Variants in PAK4 observed in about 807,000 individuals in gnomAD.
PAK4 encodes the protein p21 (RAC1) activated kinase 4, also known as serine/threonine-protein kinase PAK 4.
In PAK4, 49 loss-of-function variants were observed where a neutral mutation model predicts 53.5. The observed-to-expected ratio is 0.92, with a 90% CI of 0.73 to 1.16. The LOEUF (loss-of-function observed/expected upper bound fraction) is 1.16. Among genes scored for constraint, PAK4 ranks in the 50% most tolerant of loss-of-function variants. PAK4 has a pLI of 0.00. For missense variants in PAK4, 824 were observed against 850.7 expected, an observed-to-expected ratio of 0.97 and a Z score of 0.39; for synonymous variants, 376 against 375.6, an observed-to-expected ratio of 1.00 and a Z score of -0.01.
chr19:39,142,652 C>T (rs1244827697), intron 1 of PAK4, among the ~76,000 whole-genome samples: 1 of 152,182 alleles, frequency 6.6e-6, no homozygotes, highest in Non-Finnish European at 1.5e-5. Flanking sequence ...TCCTGCTTTG[C>T]TAGGGCCACA....
chr19:39,167,677 G>T (rs985879469), intron 1 of PAK4, among the ~76,000 whole-genome samples: 4 of 152,120 alleles, frequency 2.6e-5, no homozygotes, highest in African/African-American at 9.7e-5. Context: ...TGGCTGCCGG[G>T]CCCCCACCCC....
intron 1 of PAK4, among the ~76,000 whole-genome samples, chr19:39,151,005 C>T (rs187735053): frequency 5.3e-5 from 8 of 152,242 alleles, no homozygotes; most frequent in East Asian, 3.9e-4. Context: ...TGTCGGTGGA[C>T]GCCATGAACG....
intron 1 of PAK4, among the ~76,000 whole-genome samples, chr19:39,167,207 G>A (rs1480485791): frequency 6.6e-6 from 1 of 152,226 alleles, no homozygotes; most frequent in Non-Finnish European, 1.5e-5. Flanking sequence ...GAACTGCCTA[G>A]TGCCCCGCAG....
intron 1 of PAK4, among the ~76,000 whole-genome samples, chr19:39,150,470 T>C (rs2145186856): frequency 6.6e-6 from 1 of 152,248 alleles, no homozygotes; most frequent in African/African-American, 2.4e-5. Flanking sequence ...TCCCCCTCTC[T>C]CCACTGCCAC....
In PAK4 at chr19:39,134,305, G is replaced by T. The variant is rs544780251; in HGVS notation, c.-23+8386G>T. The stretch of plus-strand genomic sequence containing the variant: ...TGAACAACGCTTCCCCACCACCTCG[G>T]TAAAGACAGAACACAACCTCCCAAA... On this transcript the variant is annotated intron_variant, in intron 1 of 8. Coordinates refer to ENST00000358301, the Ensembl canonical transcript of PAK4. Among the ~76,000 whole-genome samples the T allele has an allele frequency of 1.4e-4, 21 of 152,296 alleles. No homozygotes were observed. In the East Asian group the frequency reaches 3.9e-3, roughly 28 times the overall value.
At position 39,161,909 on chromosome 19, in the gene PAK4, G is replaced by A. The variant is rs1195578015; in HGVS notation, c.-22-7623G>A. ...CCTCCTCACGCAGGTCCCTGCTCACGTGTCCCCTTCTCAGCAAGGCCTGCC... is the reference window on the plus strand; with the variant it reads ...CCTCCTCACGCAGGTCCCTGCTCACATGTCCCCTTCTCAGCAAGGCCTGCC... On this transcript the variant is annotated intron_variant, in intron 1 of 8. Coordinates refer to ENST00000358301, the Ensembl canonical transcript of PAK4. The surrounding 1 kb of genome is among the most constrained non-coding windows in gnomAD (Gnocchi z 4.5). 1.3e-5 allele frequency among the ~76,000 whole-genome samples: 2 copies of A among 151,786 alleles called. No homozygotes were observed. The highest frequency in any genetic ancestry group is 1.3e-4 in the Admixed American group (2 of 15,232).
chr19:39,133,620 C>T lies in PAK4; in HGVS notation c.-23+7701C>T, dbSNP rs938595752. 5.3e-5 allele frequency among the ~76,000 whole-genome samples: 8 copies of T among 152,232 alleles called. No individual in the cohort carries two copies. In the South Asian group the frequency reaches 1.7e-3, roughly 32 times the overall value. On this transcript the variant is annotated intron_variant, in intron 1 of 8. Coordinates refer to ENST00000358301, the Ensembl canonical transcript of PAK4. The stretch of plus-strand genomic sequence containing the variant: ...CCCTCCTGCTTCCCCCACCCACCTT[C>T]TGCTGTCTGCATTCCAGGCAGGCTG...
At chr19:39,135,821 C>A (rs796868415) in intron 1 of PAK4, among the ~76,000 whole-genome samples, 6 of 142,476 alleles carry the variant, frequency 4.2e-5, no homozygotes, top group African/African-American at 1.5e-4. Flanking sequence ...ATTTTGGGAA[C>A]AGGAACCCCC....
chr19:39,150,784 C>A (rs898606354), intron 1 of PAK4, among the ~76,000 whole-genome samples: 1 of 152,140 alleles, frequency 6.6e-6, no homozygotes, highest in Non-Finnish European at 1.5e-5. Context: ...TCCTTGGCAC[C>A]CACGTTGTCT....
intron 1 of PAK4, among the ~76,000 whole-genome samples, chr19:39,141,926 C>G (rs2073917457): frequency 6.6e-6 from 1 of 152,228 alleles, no homozygotes; most frequent in South Asian, 2.1e-4. Context: ...GGCGCCCGGC[C>G]CATTTGTTTG....
chr19:39,169,379 G>A (rs1000312308), intron 1 of PAK4, among the ~76,000 whole-genome samples, 153 bp from the exon 3 acceptor site: 1 of 152,108 alleles, frequency 6.6e-6, no homozygotes, highest in Non-Finnish European at 1.5e-5. Context: ...GTGCCACACA[G>A]ATGGGCGCAG....
chr19:39,164,004 C>T (rs376577649), intron 1 of PAK4, among the ~76,000 whole-genome samples: 66 of 152,264 alleles, frequency 4.3e-4, no homozygotes, highest in African/African-American at 1.4e-3. Context: ...TGGCTGGGCC[C>T]GGTGGCTCAC....
At chr19:39,133,960 C>A (rs1311235215) in intron 1 of PAK4, among the ~76,000 whole-genome samples, 1 of 152,086 alleles carries the variant, frequency 6.6e-6, no homozygotes, top group Non-Finnish European at 1.5e-5. Context: ...AAAGTAGGAC[C>A]CTGCGGGCCA....
chr19:39,176,675 T>C (rs756791014), exon 7 of PAK4: 1 of 1,612,696 alleles, frequency 6.2e-7, no homozygotes, highest in Admixed American at 1.7e-5. Context: ...CCCTACTGGA[T>C]GGCCCCAGAG....
At chr19:39,172,788 T>G in intron 2 of PAK4, 130 bp from the exon 4 acceptor site, 2 of 786,842 alleles carry the variant, frequency 2.5e-6, no homozygotes, top group Non-Finnish European at 4.0e-6. Flanking sequence ...TGTCACTCCA[T>G]GGCATCTCTT....
chr19:39,130,947 G>A (rs2073698539), intron 1 of PAK4, among the ~76,000 whole-genome samples: 1 of 151,784 alleles, frequency 6.6e-6, no homozygotes, highest in Admixed American at 6.6e-5. Context: ...GAAGAGGGTG[G>A]AGAAGACGAG....
chr19:39,178,737 T>A lies in PAK4; in HGVS notation c.*158T>A. ...GGTAGATGAGACCCTACTACTGAAC[T>A]CCAGTTTTGATCTCGTGACTTTTAG... On this transcript the variant is annotated 3_prime_UTR_variant, in exon 9 of 9. Coordinates refer to ENST00000358301, the Ensembl canonical transcript of PAK4. The surrounding 1 kb of genome is among the most constrained non-coding windows in gnomAD (Gnocchi z 4.4). 1.7e-6 allele frequency: 1 copy of A among 591,482 alleles called. No individual in the cohort carries two copies. Among genetic ancestry groups the A allele is most frequent in the Non-Finnish European group, 2.9e-6 (1 of 349,822 alleles). The allele number at this position is 591,482 out of a possible 1,614,324, so 36.6% of individuals were successfully genotyped here. A position where few individuals can be genotyped will look rare whatever the true frequency, so the allele number is the denominator to read the frequency against.
rs534612481 is a variant in PAK4, at chr19:39,175,266, C to T, written c.1233-46C>T. On this transcript the variant is annotated intron_variant, in intron 5 of 8. Transcript: ENST00000358301. The surrounding 1 kb of genome is among the most constrained non-coding windows in gnomAD (Gnocchi z 4.7). ...CAGGGCTGCGTCCCCCTCGGCACCC[C>T]GGGGTGCTGTCCAGCTGGCTGCTCA... 1.1e-4 allele frequency: 167 copies of T among 1,543,876 alleles called. No individual in the cohort carries two copies. In the Middle Eastern group the frequency reaches 6.0e-3, roughly 55 times the overall value.
intron 1 of PAK4, among the ~76,000 whole-genome samples, chr19:39,139,617 C>T (rs572084382): frequency 6.6e-6 from 1 of 152,260 alleles, no homozygotes; most frequent in South Asian, 2.1e-4. Flanking sequence ...CTGGGTACTG[C>T]CCTCCCCCCA....
Sources: gnomAD v4.1 joint callset for allele counts (sites outside exome capture counted in the v4.1 genomes callset) on GRCh38, gnomAD v4.1.1 for gene constraint, Gnocchi (gnomAD v3.1) non-coding constraint, MANE v1.5 for transcripts, NCBI Gene and HGNC (gene_info 2026-07-23, HGNC 2026-07-21) for gene names.